TSR2: variants seen among roughly 807,000 people sequenced by gnomAD.
The protein encoded by TSR2 is TSR2 ribosome maturation factor, also known as pre-rRNA-processing protein TSR2 homolog.
TSR2 carries 1 observed loss-of-function variant against 13.3 expected under a neutral mutation model. That is an observed-to-expected ratio of 0.08 (90% confidence interval 0.03 to 0.36). The LOEUF is 0.36. TSR2 is among the 10% of genes least tolerant of loss of function. The probability of loss-of-function intolerance (pLI) is 0.99; values close to 1 mark genes in which losing one functional copy is unlikely to be tolerated. For missense variants in TSR2, 120 were observed against 151.1 expected (o/e 0.79, Z 1.08); for synonymous variants, 60 against 57.7 (o/e 1.04, Z -0.18).
In TSR2 at chrX:54,446,206, G is replaced by A. The variant is rs1922166593; in HGVS notation, c.*1656G>A. ...CTCCATCTCCCTGTCCTCAGACAGT[G>A]TGGGCCCCGGGCAGAACGTGTCCCC... On this transcript the variant is annotated 3_prime_UTR_variant, in exon 5 of 5. Coordinates refer to ENST00000375151, the MANE Select transcript of TSR2 (RefSeq NM_058163.3). The A allele has an allele frequency of 1.7e-6, 2 of 1,211,656 alleles. No homozygotes were observed. Among genetic ancestry groups the A allele is most frequent in the Non-Finnish European group, 2.2e-6 (2 of 895,333 alleles).
rs773192915 is a variant in TSR2 at position 54,444,396 on chromosome X, C to T, written c.442-20C>T. ...TCCAGTGGTCAGTGTATTCAGCTCT[C>T]TTTTAAATCTCCCCTCCAGGTCACA... On this transcript the variant is annotated intron_variant, in intron 4 of 4. Coordinates refer to ENST00000375151, the MANE Select transcript of TSR2 (RefSeq NM_058163.3). The T allele has an allele frequency of 5.0e-6, 6 of 1,198,829 alleles. No homozygotes were observed.
Position 54,440,779 on chromosome X carries a change from T to C in TSR2, c.171T>C (p.Asn57=). The C allele has an allele frequency of 8.4e-7, 1 of 1,187,224 alleles. No individual in the cohort carries two copies. The highest frequency in any genetic ancestry group is 1.1e-6 in the Non-Finnish European group (1 of 882,539). Residue 57 remains asparagine, a splice_region_variant and synonymous_variant, in exon 2 of 5, where the codon AAT becomes AAC. Coordinates refer to ENST00000375151, the MANE Select transcript of TSR2 (RefSeq NM_058163.3). ...GGAVEDYFMR[N]ADLELDEVED... ...CAGTGGAGGATTACTTCATGCGCAA[T>C]GGTGAGTGAATGTGAGGCGCCGCGA... is the stretch of plus-strand genomic sequence containing the variant.
At chrX:54,440,592 G>A (rs1309089034) in intron 1 of TSR2, 90 bp downstream of exon 1, 1 of 1,129,511 alleles carries the variant, frequency 8.9e-7, no homozygotes, top group African/African-American at 1.8e-5. Context: ...GCTTGGCTAG[G>A]CGGCATAAGA....
intron 3 of TSR2, 117 bp from the exon 4 acceptor site, chrX:54,443,891 A>G: frequency 9.7e-7 from 1 of 1,031,926 alleles, no homozygotes; most frequent in East Asian, 3.1e-5. Context: ...TTGGGGAGGA[A>G]AGAGCTCTGT....
At chrX:54,444,261 G>T in intron 4 of TSR2, 77 bp downstream of exon 4, 2 of 1,173,709 alleles carry the variant, frequency 1.7e-6, no homozygotes, top group Admixed American at 4.7e-5. Flanking sequence ...TCACAGGGAA[G>T]TGATAAGGGG....
At chrX:54,443,582 A>T in intron 3 of TSR2, 91 bp downstream of exon 3, 1 of 643,078 alleles carries the variant, frequency 1.6e-6, no homozygotes, top group Non-Finnish European at 2.4e-6. Context: ...CTTGACTATG[A>T]CTCTGTTGCC....
chrX:54,443,979 T>C, intron 3 of TSR2, 29 bp from the exon 4 acceptor site: 2 of 1,203,619 alleles, frequency 1.7e-6, no homozygotes, highest in Non-Finnish European at 2.2e-6. Context: ...ATCTGGAAAA[T>C]CCAAACTGGT....
At position 54,446,510 on chromosome X, in the gene TSR2, C is replaced by T. The variant is rs1484027550; in HGVS notation, c.*1960C>T. 1.2e-6 allele frequency: 1 copy of T among 846,152 alleles called. No homozygotes were observed. The allele number at this position is 846,152 out of a possible 1,213,427, so 69.7% of individuals were successfully genotyped here. A position where few individuals can be genotyped will look rare whatever the true frequency, so the allele number is the denominator to read the frequency against. Reference sequence around the variant, plus strand: ...GTTTTGCATATGCTCTGTCTTCAGTCCCCTACTCAGGAACTCCCCTACTCA... The same window carrying T: ...GTTTTGCATATGCTCTGTCTTCAGTTCCCTACTCAGGAACTCCCCTACTCA... On this transcript the variant is annotated 3_prime_UTR_variant, in exon 5 of 5. Coordinates refer to ENST00000375151, the MANE Select transcript of TSR2 (RefSeq NM_058163.3).
At chrX:54,441,108 A>T (rs182390944) in intron 2 of TSR2, among the ~76,000 whole-genome samples, 1 of 112,577 alleles carries the variant, frequency 8.9e-6, no homozygotes, top group Non-Finnish European at 1.9e-5. Context: ...TTTAGTAGCC[A>T]CTTTAATAAA....
rs780523083 is a variant in TSR2, at chrX:54,444,085, C to T, written c.342C>T (p.Cys114=). The T allele has an allele frequency of 1.7e-6, 2 of 1,210,317 alleles. No individual in the cohort carries two copies. The highest frequency in any genetic ancestry group is 3.5e-5 in the South Asian group (2 of 56,843). The change falls in exon 4 of 5, where the codon TGC becomes TGT. Residue 114 remains cysteine, a synonymous_variant. Transcript: ENST00000375151. ...CTGCTCTGAGGGAGATGGCCTCCTG[C>T]ATCACTCAGAGAAAATGCAAGGTCA... The part of the protein sequence containing the change: ...DGAALREMAS[C]ITQRKCKVTA...
intron 2 of TSR2, among the ~76,000 whole-genome samples, chrX:54,441,081 C>A (rs1046827511): frequency 3.6e-5 from 4 of 111,742 alleles, no homozygotes. Context: ...ATGCTAGTCA[C>A]ATATAATTTA....
At position 54,447,361 on chromosome X, in the gene TSR2, C is replaced by T. The variant is rs199778891; in HGVS notation, c.*2811C>T. On this transcript the variant is annotated 3_prime_UTR_variant, in exon 5 of 5. Coordinates refer to ENST00000375151, the MANE Select transcript of TSR2 (RefSeq NM_058163.3). ...ACCAAGGGTTCATTTTCAGGGACCA[C>T]GAACCATGCCTTGTGCCATCCTTTG... 3 of 1,210,320 alleles carry T rather than the reference C, an allele frequency of 2.5e-6. No individual in the cohort carries two copies. The highest frequency in any genetic ancestry group is 1.7e-5 in the African/African-American group (1 of 57,448).
In TSR2 at chrX:54,445,681, G is replaced by A. The variant is rs187493998; in HGVS notation, c.*1131G>A. ...GTTGCCACCCCACGTGGAGTTGTAC[G>A]TGTGAAGACACTGGCTGAGGAGGCA... On this transcript the variant is annotated 3_prime_UTR_variant, in exon 5 of 5. Coordinates refer to ENST00000375151, the MANE Select transcript of TSR2 (RefSeq NM_058163.3). 5.1e-3 allele frequency: 691 copies of A among 134,675 alleles called. 2 individuals are homozygous for A. The highest frequency in any genetic ancestry group is 0.013 in the Middle Eastern group (4 of 299). The allele number at this position is 134,675 out of a possible 1,213,427, so 11.1% of individuals were successfully genotyped here. A position where few individuals can be genotyped will look rare whatever the true frequency, so the allele number is the denominator to read the frequency against.
At position 54,445,047 on chromosome X, in the gene TSR2, A is replaced by G. The variant is rs1413027406; in HGVS notation, c.*497A>G. On this transcript the variant is annotated 3_prime_UTR_variant, in exon 5 of 5. Coordinates refer to ENST00000375151, the MANE Select transcript of TSR2 (RefSeq NM_058163.3). ...AGCTCTGGAGCCTCTCCCTTACCCC[A>G]CCCCACACACACGCAACAGCTCTGT... The G allele has an allele frequency of 9.0e-6, 1 of 111,078 alleles. No homozygotes were observed. 9.2% of individuals were successfully genotyped at this position (111,078 alleles called of 1,213,427 possible). A position where few individuals can be genotyped will look rare whatever the true frequency, so the allele number is the denominator to read the frequency against.
At position 54,446,524 on chromosome X, in the gene TSR2, C is replaced by G. The variant is rs2147419659; in HGVS notation, c.*1974C>G. The G allele has an allele frequency of 1.4e-6, 1 of 714,246 alleles. No individual in the cohort carries two copies. The highest frequency in any genetic ancestry group is 2.1e-6 in the Non-Finnish European group (1 of 483,866). 58.9% of individuals were successfully genotyped at this position (714,246 alleles called of 1,213,427 possible). ...CTGTCTTCAGTCCCCTACTCAGGAA[C>G]TCCCCTACTCAGGAACCTTCCGTGG... On this transcript the variant is annotated 3_prime_UTR_variant, in exon 5 of 5. Transcript: ENST00000375151.
rs1265265832 is a variant in TSR2 at position 54,447,668 on chromosome X, G to A, written c.*3118G>A. On this transcript the variant is annotated 3_prime_UTR_variant, in exon 5 of 5. Transcript: ENST00000375151. ...CGTCTGCCTCATTTGGGCAACGGCTGCTGCCTCTACAGGCCAGTGGAAGGA... is the reference window on the plus strand; with the variant it reads ...CGTCTGCCTCATTTGGGCAACGGCTACTGCCTCTACAGGCCAGTGGAAGGA... Among the ~76,000 whole-genome samples the A allele has an allele frequency of 1.8e-5, 2 of 112,816 alleles. No homozygotes were observed. Among genetic ancestry groups the A allele is most frequent in the African/African-American group, 6.4e-5 (2 of 31,056 alleles).
rs1208804012 is a variant in TSR2, at chrX:54,445,126, C to T, written c.*576C>T. Reference sequence around the variant, plus strand: ...GGAATGCTGCCTTCCTTCAGCCCAGCCTCCAGTCCTGGGTTCCCTCAGGAA... The same window carrying T: ...GGAATGCTGCCTTCCTTCAGCCCAGTCTCCAGTCCTGGGTTCCCTCAGGAA... On this transcript the variant is annotated 3_prime_UTR_variant, in exon 5 of 5. Transcript: ENST00000375151. 9.0e-6 allele frequency: 1 copy of T among 111,267 alleles called. No individual in the cohort carries two copies. The allele number at this position is 111,267 out of a possible 1,213,427, so 9.2% of individuals were successfully genotyped here.
chrX:54,446,560 A>G lies in TSR2; in HGVS notation c.*2010A>G. On this transcript the variant is annotated 3_prime_UTR_variant, in exon 5 of 5. Transcript: ENST00000375151. ...AGGAACCTTCCGTGGCTCCAGTGTT[A>G]TCAACAGGAACATGTCAGAACTGGG... is the stretch of plus-strand genomic sequence containing the variant. 3.8e-6 allele frequency: 2 copies of G among 522,488 alleles called. No individual in the cohort carries two copies. Among genetic ancestry groups the G allele is most frequent in the Non-Finnish European group, 6.2e-6 (2 of 320,966 alleles). The allele number at this position is 522,488 out of a possible 1,213,427, so 43.1% of individuals were successfully genotyped here. A position where few individuals can be genotyped will look rare whatever the true frequency, so the allele number is the denominator to read the frequency against.
At chrX:54,443,948 C>T (rs1164006490) in intron 3 of TSR2, 60 bp from the exon 4 acceptor site, 8 of 1,176,085 alleles carry the variant, frequency 6.8e-6, no homozygotes, top group South Asian at 1.9e-5. Context: ...GCTTCAAACA[C>T]GTGCTGTTTG....
Sources: allele counts gnomAD v4.1 joint callset (sites outside exome capture counted in the v4.1 genomes callset), GRCh38; gene constraint gnomAD v4.1.1; transcripts MANE v1.5; gene names NCBI Gene and HGNC (gene_info 2026-07-23, HGNC 2026-07-21).